The following LRP12 variants were observed in gnomAD, a reference collection of about 807,000 sequenced individuals.
LRP12 encodes the protein LDL receptor related protein 12.
In LRP12, 14 loss-of-function variants were observed where a neutral mutation model predicts 66.0. The observed-to-expected ratio is 0.21, with a 90% CI of 0.14 to 0.33. The LOEUF is 0.33. Among genes scored for constraint, LRP12 ranks in the 10% least tolerant of loss-of-function variants. The pLI is 1.00. For missense variants in LRP12, 889 were observed against 1,053.4 expected, an observed-to-expected ratio of 0.84 and a Z score of 2.16; for synonymous variants, 357 against 359.1, an observed-to-expected ratio of 0.99 and a Z score of 0.07.
intron 1 of LRP12, among the ~76,000 whole-genome samples, chr8:104,534,943 C>T (rs1007708943): frequency 1.3e-5 from 2 of 151,390 alleles, no homozygotes; most frequent in Admixed American, 6.6e-5. Context: ...GAACACCCAC[C>T]ACCAATCTTA....
At chr8:104,508,913 A>G (rs1564131796) in intron 3 of LRP12, 26 bp downstream of exon 3, 5 of 1,576,728 alleles carry the variant, frequency 3.2e-6, no homozygotes, top group Non-Finnish European at 4.3e-6. Context: ...AATAAATTAT[A>G]TAGTAATACA....
At chr8:104,547,192 TATC>T (rs1355649243) in intron 1 of LRP12, among the ~76,000 whole-genome samples, 7 of 139,314 alleles carry the variant, frequency 5.0e-5, no homozygotes, top group South Asian at 2.3e-4. Context: ...TTCTATGTTA[TATC>T]ATATTTTGTA....
intron 1 of LRP12, among the ~76,000 whole-genome samples, chr8:104,565,379 T>G (rs895252911): frequency 6.6e-6 from 1 of 152,176 alleles, no homozygotes; most frequent in Non-Finnish European, 1.5e-5. Context: ...AATTACAAGC[T>G]TCTAAGAGGA....
rs150000574 is a variant in LRP12 at position 104,581,769 on chromosome 8, C to T, written c.79+7050G>A. Among the ~76,000 whole-genome samples, 515 of 152,198 alleles carry T rather than the reference C, an allele frequency of 3.4e-3. 4 individuals carry two copies. The highest frequency in any genetic ancestry group is 0.011 in the African/African-American group (474 of 41,526). ...AAAAAAAAAATAATGGGCCTCTACA[C>T]GAAGAGCACAGCAGTAGACAGACAT... On this transcript the variant is annotated intron_variant, in intron 1 of 6. Transcript: ENST00000276654.
At chr8:104,548,381 AAT>A (rs1389843022) in intron 1 of LRP12, among the ~76,000 whole-genome samples, 22 of 65,762 alleles carry the variant, frequency 3.3e-4, no homozygotes, top group Admixed American at 7.1e-4. Context: ...ATATTATATA[AAT>A]ATATAATATA....
chr8:104,587,475 C>T (rs1271794617), intron 1 of LRP12, among the ~76,000 whole-genome samples: 1 of 152,138 alleles, frequency 6.6e-6, no homozygotes, highest in African/African-American at 2.4e-5. Context: ...CTGGCAATTA[C>T]CCCTACATAA....
Position 104,581,251 on chromosome 8 carries a change from T to C in LRP12, c.79+7568A>G, listed in dbSNP as rs116708444. Reference sequence around the variant, plus strand: ...TAAATGATGAGAACACATGGACACATAGAGGAAGGGGAACAACACATACTG... The same window carrying C: ...TAAATGATGAGAACACATGGACACACAGAGGAAGGGGAACAACACATACTG... On this transcript the variant is annotated intron_variant, in intron 1 of 6. Coordinates refer to ENST00000276654, the MANE Select transcript of LRP12 (RefSeq NM_013437.5). Among the ~76,000 whole-genome samples the C allele has an allele frequency of 7.7e-3, 1,165 of 151,938 alleles. 23 individuals carry two copies. Among genetic ancestry groups the C allele is most frequent in the African/African-American group, 0.027 (1,113 of 41,410 alleles).
intron 1 of LRP12, among the ~76,000 whole-genome samples, chr8:104,587,937 C>A (rs899222638): frequency 9.9e-5 from 15 of 152,200 alleles, no homozygotes; most frequent in African/African-American, 3.6e-4. Context: ...ACGGTGAAGT[C>A]AGAAGTGTAA....
At chr8:104,493,069 T>G (rs943678522) in intron 6 of LRP12, among the ~76,000 whole-genome samples, 1 of 152,162 alleles carries the variant, frequency 6.6e-6, no homozygotes, top group Non-Finnish European at 1.5e-5. Flanking sequence ...ACTTTAACAT[T>G]TGGTTTGTCA....
chr8:104,515,298 TC>T (rs1252827609), intron 2 of LRP12, among the ~76,000 whole-genome samples: 1 of 152,218 alleles, frequency 6.6e-6, no homozygotes. Context: ...GGCTAATTCT[TC>T]CTTAAGAATT....
intron 1 of LRP12, among the ~76,000 whole-genome samples, chr8:104,563,643 G>A (rs183791420): frequency 1.2e-3 from 182 of 152,098 alleles, no homozygotes; most frequent in Non-Finnish European, 1.9e-3. Flanking sequence ...AGGTGATTAC[G>A]TCATGAGGGC....
intron 2 of LRP12, among the ~76,000 whole-genome samples, chr8:104,518,071 A>C (rs564738114): frequency 3.3e-5 from 5 of 152,266 alleles, no homozygotes; most frequent in African/African-American, 1.2e-4. Context: ...AAATAATAGC[A>C]GTTTGAAAAC....
In LRP12 at chr8:104,548,396, T is replaced by C. The variant is rs1226730993; in HGVS notation, c.80-16433A>G. 1.3e-4 allele frequency among the ~76,000 whole-genome samples: 12 copies of C among 94,964 alleles called. No homozygotes were observed. In the East Asian group the frequency reaches 2.5e-3, roughly 20 times the overall value. 62.3% of individuals were successfully genotyped at this position (94,964 alleles called of 152,430 possible). On this transcript the variant is annotated intron_variant, in intron 1 of 6. Transcript: ENST00000276654. ...ATATTATATAAATATATAATATATA[T>C]TATATAAATATATGATATATTAATA...
chr8:104,494,031 C>CT (rs1810681559), intron 6 of LRP12, among the ~76,000 whole-genome samples: 1 of 152,060 alleles, frequency 6.6e-6, no homozygotes, highest in East Asian at 1.9e-4. Flanking sequence ...CTTGAATTTG[C>CT]AATTGGTGTT....
intron 3 of LRP12, among the ~76,000 whole-genome samples, chr8:104,502,963 T>A (rs1442621586): frequency 6.6e-6 from 1 of 152,032 alleles, no homozygotes; most frequent in Non-Finnish European, 1.5e-5. Flanking sequence ...GGTGGGTGGA[T>A]CACCTGAGGT....
intron 1 of LRP12, among the ~76,000 whole-genome samples, chr8:104,580,269 C>A (rs1812224992): frequency 6.6e-6 from 1 of 151,384 alleles, no homozygotes; most frequent in African/African-American, 2.4e-5. Context: ...GTAATCCCAG[C>A]ACTTTGGGAG....
chr8:104,583,102 G>A (rs1035614565), intron 1 of LRP12, among the ~76,000 whole-genome samples: 2 of 152,074 alleles, frequency 1.3e-5, no homozygotes, highest in African/African-American at 2.4e-5. Context: ...CTGGATTACA[G>A]CCAAAATCTC....
chr8:104,562,393 A>G (rs998478135), intron 1 of LRP12, among the ~76,000 whole-genome samples: 4 of 152,176 alleles, frequency 2.6e-5, no homozygotes, highest in African/African-American at 9.6e-5. Flanking sequence ...GCATTATGTG[A>G]CCAAAACTGC....
intron 3 of LRP12, chr8:104,507,861 T>C (rs961641989): frequency 2.0e-5 from 3 of 152,148 alleles, no homozygotes; most frequent in Non-Finnish European, 4.4e-5. Context: ...AAAAAGGAGA[T>C]AGATGACAGT....
Sources: allele counts gnomAD v4.1 joint callset (sites outside exome capture counted in the v4.1 genomes callset), GRCh38; gene constraint gnomAD v4.1.1; transcripts MANE v1.5; gene names NCBI Gene and HGNC (gene_info 2026-07-23, HGNC 2026-07-21).